The following SPAG16 variants were observed in gnomAD, a reference collection of about 807,000 sequenced individuals.
SPAG16 encodes sperm-associated antigen 16 protein.
Under a neutral mutation model 80.4 loss-of-function variants are expected in SPAG16, and 86 were observed. That is an observed-to-expected ratio of 1.07 (90% CI 0.90 to 1.28). The LOEUF (loss-of-function observed/expected upper bound fraction) is 1.28. SPAG16 is among the 50% of genes most tolerant of loss of function. The probability of loss-of-function intolerance (pLI) is 0.00; values close to 1 mark genes in which losing one functional copy is unlikely to be tolerated. For synonymous variants in SPAG16, 294 were observed against 265.9 expected (o/e 1.11, Z -1.03); for missense variants, 870 against 765.3 (o/e 1.14, Z -1.61).
intron 10 of SPAG16, among the ~76,000 whole-genome samples, chr2:213,716,142 T>C (rs2066229982): frequency 6.6e-6 from 1 of 152,210 alleles, no homozygotes; most frequent in Admixed American, 6.5e-5. Flanking sequence ...ATCTCAAGTG[T>C]ATTACATTTT....
At chr2:214,303,984 T>C (rs1035690532) in intron 15 of SPAG16, among the ~76,000 whole-genome samples, 1 of 152,170 alleles carries the variant, frequency 6.6e-6, no homozygotes, top group Non-Finnish European at 1.5e-5. Context: ...CCATTAGGTA[T>C]TTTTCCTGAT....
intron 14 of SPAG16, among the ~76,000 whole-genome samples, chr2:214,110,399 T>C (rs1486845651): frequency 6.6e-6 from 1 of 152,102 alleles, no homozygotes; most frequent in Non-Finnish European, 1.5e-5. Flanking sequence ...TGGTTTTCTG[T>C]CCATGTGATA....
chr2:213,541,280 G>A (rs917987679), intron 10 of SPAG16, among the ~76,000 whole-genome samples: 1 of 152,150 alleles, frequency 6.6e-6, no homozygotes, highest in Non-Finnish European at 1.5e-5. Context: ...TTAGGATGCA[G>A]AAATTAGGAC....
At chr2:214,113,876 G>T (rs1162368286) in intron 14 of SPAG16, among the ~76,000 whole-genome samples, 1 of 152,160 alleles carries the variant, frequency 6.6e-6, no homozygotes. Context: ...CTGGTGAGGA[G>T]CTGTGATCCT....
intron 15 of SPAG16, among the ~76,000 whole-genome samples, chr2:214,359,343 A>C (rs1699024498): frequency 6.6e-6 from 1 of 151,884 alleles, no homozygotes; most frequent in Non-Finnish European, 1.5e-5. Flanking sequence ...CTATACCCTT[A>C]CTATATACAA....
At chr2:214,076,722 C>T (rs559828907) in intron 13 of SPAG16, among the ~76,000 whole-genome samples, 8 of 152,152 alleles carry the variant, frequency 5.3e-5, no homozygotes, top group South Asian at 2.1e-4. Context: ...GGGCTGTGAT[C>T]GTGAGAATTT....
At chr2:213,823,745 T>C (rs1472192341) in intron 10 of SPAG16, among the ~76,000 whole-genome samples, 1 of 152,188 alleles carries the variant, frequency 6.6e-6, no homozygotes, top group Non-Finnish European at 1.5e-5. Context: ...TTTGCCTACT[T>C]TTTGATGGAG....
intron 10 of SPAG16, among the ~76,000 whole-genome samples, chr2:213,584,817 T>C (rs1373168887): frequency 6.6e-6 from 1 of 152,156 alleles, no homozygotes; most frequent in African/African-American, 2.4e-5. Context: ...TATATTGTAA[T>C]AGTAGTGAGT....
chr2:214,112,933 T>G (rs896411727), intron 14 of SPAG16, among the ~76,000 whole-genome samples: 6 of 152,222 alleles, frequency 3.9e-5, no homozygotes, highest in Non-Finnish European at 8.8e-5. Context: ...TCTTTACAAT[T>G]TGGCATGTTT....
intron 10 of SPAG16, among the ~76,000 whole-genome samples, chr2:213,778,711 T>C (rs766478910): frequency 1.3e-5 from 2 of 152,194 alleles, no homozygotes; most frequent in African/African-American, 4.8e-5. Flanking sequence ...CAGTCATCAC[T>C]TCAACCAACC....
chr2:213,885,898 T>C (rs536247948), intron 11 of SPAG16, among the ~76,000 whole-genome samples: 3 of 152,318 alleles, frequency 2.0e-5, no homozygotes, highest in Non-Finnish European at 4.4e-5. Flanking sequence ...CTGAATTACA[T>C]ATTTTTACAG....
At chr2:214,261,219 C>T (rs985926188) in intron 15 of SPAG16, among the ~76,000 whole-genome samples, 24 of 150,624 alleles carry the variant, frequency 1.6e-4, no homozygotes, top group Non-Finnish European at 3.0e-4. Flanking sequence ...ACCTCCCTCT[C>T]CCTCTCTTTT....
intron 15 of SPAG16, among the ~76,000 whole-genome samples, chr2:214,263,749 TTTTA>T (rs1160588141): frequency 6.6e-6 from 1 of 152,206 alleles, no homozygotes; most frequent in East Asian, 1.9e-4. Context: ...TCTGAATGAT[TTTTA>T]ACTCCTGTAA....
chr2:213,540,992 C>T (rs955193351), intron 10 of SPAG16, among the ~76,000 whole-genome samples: 1 of 152,150 alleles, frequency 6.6e-6, no homozygotes, highest in South Asian at 2.1e-4. Context: ...CAGGTGCACT[C>T]GTAGAGTTAC....
intron 9 of SPAG16, among the ~76,000 whole-genome samples, chr2:213,433,803 A>G (rs896054562): frequency 7.2e-5 from 11 of 152,174 alleles, no homozygotes; most frequent in Non-Finnish European, 1.0e-4. Flanking sequence ...ATTCTAAGCA[A>G]AAAGAATAAA....
chr2:214,212,563 G>C (rs1462284719), intron 15 of SPAG16, among the ~76,000 whole-genome samples: 1 of 152,000 alleles, frequency 6.6e-6, no homozygotes, highest in Non-Finnish European at 1.5e-5. Flanking sequence ...TCTGTACCTA[G>C]TTGAGGACCA....
chr2:213,455,617 C>A (rs2071953275), intron 9 of SPAG16, among the ~76,000 whole-genome samples: 1 of 152,116 alleles, frequency 6.6e-6, no homozygotes, highest in African/African-American at 2.4e-5. Flanking sequence ...AGTTTGGGGC[C>A]AAAACTGTTC....
intron 10 of SPAG16, among the ~76,000 whole-genome samples, chr2:213,673,825 G>A (rs2063919669): frequency 6.6e-6 from 1 of 151,764 alleles, no homozygotes; most frequent in Non-Finnish European, 1.5e-5. Context: ...AAAGAACATT[G>A]GAAAAATAAA....
At chr2:213,322,356 AC>A (rs60981785) in intron 5 of SPAG16, among the ~76,000 whole-genome samples, 4,317 of 28,740 alleles carry the variant, frequency 0.15, 477 homozygotes, top group Middle Eastern at 0.35. Context: ...AAAAAAAAAA[AC>A]AAAAAACTCG....
Sources: allele counts gnomAD v4.1 joint callset (sites outside exome capture counted in the v4.1 genomes callset), GRCh38; gene constraint gnomAD v4.1.1; transcripts MANE v1.5; gene names NCBI Gene and HGNC (gene_info 2026-07-23, HGNC 2026-07-21).